The following CCDC88A variants were observed in gnomAD, a reference collection of about 807,000 sequenced individuals.
CCDC88A encodes girdin.
A neutral mutation model predicts 234.3 loss-of-function variants in CCDC88A; 54 were observed. The observed-to-expected ratio is 0.23, with a 90% CI of 0.19 to 0.29. The LOEUF (loss-of-function observed/expected upper bound fraction) is 0.29, where lower values mean the gene tolerates loss of function less well. CCDC88A is among the 10% of genes least tolerant of loss of function. CCDC88A has a pLI of 1.00. For missense variants in CCDC88A, 1,832 were observed against 2,123.4 expected (o/e 0.86, Z 2.70); for synonymous variants, 753 against 737.8 (o/e 1.02, Z -0.33).
chr2:55,322,468 T>C (rs917303104), intron 18 of CCDC88A, 60 bp downstream of exon 18: 7 of 934,256 alleles, frequency 7.5e-6, no homozygotes, highest in Admixed American at 5.1e-5. Context: ...AAGATAAATA[T>C]ATCCAGTGAT....
At chr2:55,383,618 G>A (rs1158641770) in intron 3 of CCDC88A, among the ~76,000 whole-genome samples, 8 of 103,472 alleles carry the variant, frequency 7.7e-5, no homozygotes, top group East Asian at 2.1e-4. Context: ...GCGAGACTCC[G>A]TCTTAAAAAA....
At chr2:55,303,241 A>G in intron 25 of CCDC88A, 89 bp from the exon 26 acceptor site, 7 of 793,970 alleles carry the variant, frequency 8.8e-6, no homozygotes, top group Non-Finnish European at 1.5e-5. Flanking sequence ...GTTGAAATTA[A>G]GGACAGAAAT....
intron 5 of CCDC88A, among the ~76,000 whole-genome samples, chr2:55,366,857 A>G (rs1017669661): frequency 6.6e-6 from 1 of 152,210 alleles, no homozygotes; most frequent in Non-Finnish European, 1.5e-5. Flanking sequence ...GGAACACATT[A>G]TAGTGTTTTA....
Position 55,289,430 on chromosome 2 carries a change from A to C in CCDC88A, c.*1770T>G, listed in dbSNP as rs141103539. ...CTCTGATACCTATTACCAATGTGCT[A>C]CTTGAATCCAGGGAGTTATGAGAGA... On this transcript the variant is annotated 3_prime_UTR_variant, in exon 33 of 33. Coordinates refer to ENST00000436346, the MANE Select transcript of CCDC88A (RefSeq NM_001365480.1). 2.0e-4 allele frequency: 30 copies of C among 152,538 alleles called. No individual in the cohort carries two copies. Among genetic ancestry groups the C allele is most frequent in the Admixed American group, 2.0e-3 (30 of 15,270 alleles). 9.4% of individuals were successfully genotyped at this position (152,538 alleles called of 1,614,324 possible).
intron 23 of CCDC88A, among the ~76,000 whole-genome samples, chr2:55,310,591 A>AT (rs1338282352): frequency 7.9e-5 from 12 of 152,060 alleles, no homozygotes; most frequent in Non-Finnish European, 2.9e-5. Flanking sequence ...AAAAAAAAAA[A>AT]GATTGGAGAT....
intron 16 of CCDC88A, among the ~76,000 whole-genome samples, chr2:55,331,178 T>C (rs748045450): frequency 1.3e-5 from 2 of 152,232 alleles, no homozygotes; most frequent in Non-Finnish European, 2.9e-5. Flanking sequence ...GTCTTACATA[T>C]AGTAGGTAAT....
intron 2 of CCDC88A, among the ~76,000 whole-genome samples, chr2:55,396,960 G>A (rs1677707550): frequency 6.7e-6 from 1 of 149,662 alleles, no homozygotes; most frequent in South Asian, 2.1e-4. Context: ...TGTATTGTTT[G>A]AGCATATTCC....
intron 6 of CCDC88A, chr2:55,363,599 C>T (rs1671592211): frequency 5.9e-6 from 1 of 169,018 alleles, no homozygotes. Context: ...TAATACTAAG[C>T]TTGTCATCTT....
chr2:55,348,650 A>C (rs1473050120), intron 9 of CCDC88A: 1 of 152,170 alleles, frequency 6.6e-6, no homozygotes, highest in Non-Finnish European at 1.5e-5. Context: ...CATTAAACCA[A>C]TCCTCATTAA....
chr2:55,371,126 T>C lies in CCDC88A; in HGVS notation c.402+1326A>G, dbSNP rs535264497. 2.6e-5 allele frequency among the ~76,000 whole-genome samples: 4 copies of C among 152,294 alleles called. No homozygotes were observed. In the South Asian group the frequency reaches 8.3e-4, roughly 32 times the overall value. On this transcript the variant is annotated intron_variant, in intron 5 of 32. Coordinates refer to ENST00000436346, the MANE Select transcript of CCDC88A (RefSeq NM_001365480.1). ...TTATGCTATTGCTATGTAATCTAAA[T>C]TTACGCAACATTCACCAACACAGGG...
chr2:55,344,776 A>C (rs1038795487), intron 10 of CCDC88A, among the ~76,000 whole-genome samples: 2 of 152,206 alleles, frequency 1.3e-5, no homozygotes, highest in African/African-American at 2.4e-5. Flanking sequence ...CTTAGTCACA[A>C]GGATAAGGAA....
At chr2:55,384,648 T>C (rs929051514) in intron 3 of CCDC88A, among the ~76,000 whole-genome samples, 5,799 of 31,716 alleles carry the variant, frequency 0.18, 1,170 homozygotes, top group Admixed American at 0.32. Flanking sequence ...TGTGTATATA[T>C]ACATATATAT....
At position 55,383,733 on chromosome 2, in the gene CCDC88A, A is replaced by C. The variant is rs1010276662; in HGVS notation, c.273+5045T>G. Among the ~76,000 whole-genome samples, 16 of 152,284 alleles carry C rather than the reference A, an allele frequency of 1.1e-4. No homozygotes were observed. The South Asian group carries it at 2.5e-3, about 24-fold the overall frequency. The stretch of plus-strand genomic sequence containing the variant: ...CATACAAAAAATTTAAGTTTTCTAC[A>C]GTCGTTCCCCAAAATCTGATTTTTC... On this transcript the variant is annotated intron_variant, in intron 3 of 32. Transcript: ENST00000436346.
rs543474922 is a variant in CCDC88A, at chr2:55,335,590, T to C, written c.1657-426A>G. Among the ~76,000 whole-genome samples, 31 of 152,336 alleles carry C rather than the reference T, an allele frequency of 2.0e-4. No homozygotes were observed. On this transcript the variant is annotated intron_variant, in intron 14 of 32. Transcript: ENST00000436346. This position sits in a 1 kb window ranked among gnomAD's most constrained non-coding sequence, Gnocchi z 4.5. ...GCCTACAGTGGGTCCTCAGTAAATA[T>C]GTGCTGTATTACATGTGTATATATG...
intron 23 of CCDC88A, among the ~76,000 whole-genome samples, chr2:55,310,965 A>C (rs903836739): frequency 6.6e-6 from 1 of 152,258 alleles, no homozygotes; most frequent in African/African-American, 2.4e-5. Context: ...AGAAATATCT[A>C]ACATGCAAGA....
At chr2:55,337,496 T>A (rs1369003089) in intron 13 of CCDC88A, 1 of 152,214 alleles carries the variant, frequency 6.6e-6, no homozygotes, top group Non-Finnish European at 1.5e-5. Context: ...AAGAAGACTT[T>A]ATAAAACATT....
intron 8 of CCDC88A, among the ~76,000 whole-genome samples, chr2:55,353,532 G>A (rs1670157256): frequency 6.7e-6 from 1 of 150,348 alleles, no homozygotes; most frequent in Non-Finnish European, 1.5e-5. Flanking sequence ...TTTCTACCTT[G>A]CATATTCAAT....
chr2:55,411,814 T>G (rs1173231836), intron 2 of CCDC88A, among the ~76,000 whole-genome samples: 1 of 145,972 alleles, frequency 6.9e-6, no homozygotes, highest in Non-Finnish European at 1.5e-5. Flanking sequence ...CTCAACATAT[T>G]GGACAGGAAA....
chr2:55,413,811 G>A (rs1259785384), intron 2 of CCDC88A, among the ~76,000 whole-genome samples: 1 of 151,986 alleles, frequency 6.6e-6, no homozygotes, highest in Non-Finnish European at 1.5e-5. Context: ...AATTAGTCAA[G>A]CATGGTAGCG....
Sources: gnomAD v4.1 joint callset for allele counts (sites outside exome capture counted in the v4.1 genomes callset) on GRCh38, gnomAD v4.1.1 for gene constraint, Gnocchi (gnomAD v3.1) non-coding constraint, MANE v1.5 for transcripts, NCBI Gene and HGNC (gene_info 2026-07-23, HGNC 2026-07-21) for gene names.